The following ZDHHC6 variants were observed in gnomAD, a reference collection of about 807,000 sequenced individuals.
The protein encoded by ZDHHC6 is palmitoyltransferase ZDHHC6.
A neutral mutation model predicts 57.8 loss-of-function variants in ZDHHC6; 32 were observed. The observed-to-expected ratio is 0.55, with a 90% CI of 0.42 to 0.74. ZDHHC6 has a LOEUF of 0.74. Among genes scored for constraint, ZDHHC6 ranks in the 30% least tolerant of loss-of-function variants. The pLI is 0.00. For synonymous variants in ZDHHC6, 128 were observed against 158.0 expected (o/e 0.81, Z 1.42); for missense variants, 433 against 500.7 (o/e 0.86, Z 1.29).
intron 3 of ZDHHC6, among the ~76,000 whole-genome samples, chr10:112,442,984 A>G (rs1227274637): frequency 6.6e-6 from 1 of 152,242 alleles, no homozygotes. Context: ...CAGTGATTAT[A>G]GCTGTTCATT....
intron 6 of ZDHHC6, among the ~76,000 whole-genome samples, chr10:112,434,953 G>A (rs1845383189): frequency 6.6e-6 from 1 of 152,256 alleles, no homozygotes; most frequent in Middle Eastern, 3.2e-3. Context: ...CTGGGTGGCA[G>A]TGATGCCCAT....
At chr10:112,433,760 T>C (rs756651867) in intron 7 of ZDHHC6, among the ~76,000 whole-genome samples, 6 of 152,192 alleles carry the variant, frequency 3.9e-5, no homozygotes, top group Non-Finnish European at 7.3e-5. Context: ...GAAATAAAGA[T>C]AACTCATGAT....
At chr10:112,426,638 T>A, downstream of ZDHHC6, 1 of 690,716 alleles carries the variant, frequency 1.4e-6, no homozygotes, top group South Asian at 1.9e-5. Context: ...CAGTTTTTCT[T>A]TCAATATTGG....
chr10:112,430,933 G>A, intron 10 of ZDHHC6, 26 bp from the exon 11 acceptor site: 1 of 1,577,174 alleles, frequency 6.3e-7, no homozygotes, highest in Non-Finnish European at 8.7e-7. Flanking sequence ...AAATTGAGGT[G>A]AAATAGTCTG....
intron 6 of ZDHHC6, among the ~76,000 whole-genome samples, chr10:112,435,243 T>C (rs894336181): frequency 1.1e-4 from 17 of 152,244 alleles, no homozygotes; most frequent in Admixed American, 2.0e-4. Flanking sequence ...AGATACATTA[T>C]TTATTTTAAC....
At position 112,440,553 on chromosome 10, in the gene ZDHHC6, C is replaced by G; in HGVS notation, c.662G>C (p.Gly221Ala). 1 of 1,613,252 alleles carries G rather than the reference C, an allele frequency of 6.2e-7. No individual in the cohort carries two copies. The highest frequency in any genetic ancestry group is 2.2e-5 in the East Asian group (1 of 44,854). The change falls in exon 5 of 11, where the codon GGG (glycine) becomes GCG (alanine). Residue 221 changes from glycine (G) to alanine (A), a missense_variant. Coordinates refer to ENST00000369405, the MANE Select transcript of ZDHHC6 (RefSeq NM_022494.3). ...GCTTACCTGGATAAAAAACAACATC[C>G]CAACAGCTATGGTTGTTCCTAAAGC... is the stretch of plus-strand genomic sequence containing the variant. ...GLALGTTIAVGMLFFIQMKII... is the reference protein window; with the variant it reads ...GLALGTTIAVAMLFFIQMKII...
intron 5 of ZDHHC6, 125 bp from the exon 6 acceptor site, chr10:112,438,514 G>A (rs964887078): frequency 1.2e-5 from 9 of 769,730 alleles, no homozygotes; most frequent in Non-Finnish European, 1.7e-5. Context: ...AAGGATAACA[G>A]AGGTTAAGTA....
downstream of ZDHHC6, chr10:112,425,650 A>G: frequency 3.4e-6 from 2 of 584,304 alleles, no homozygotes; most frequent in East Asian, 3.3e-5. Context: ...GGCAATTTCA[A>G]TTTAAAAAAT....
At position 112,440,530 on chromosome 10, in the gene ZDHHC6, T is replaced by C. The variant is rs1846004042; in HGVS notation, c.681+4A>G. 6.2e-7 allele frequency: 1 copy of C among 1,612,272 alleles called. No individual in the cohort carries two copies. The highest frequency in any genetic ancestry group is 2.2e-5 in the East Asian group (1 of 44,838). Reference sequence around the variant, plus strand: ...TTTTGACTTGAGGTAATTGAGATGCTTACCTGGATAAAAAACAACATCCCA... The same window carrying C: ...TTTTGACTTGAGGTAATTGAGATGCCTACCTGGATAAAAAACAACATCCCA... On this transcript the variant is annotated splice_donor_region_variant and intron_variant, in intron 5 of 10. Coordinates refer to ENST00000369405, the MANE Select transcript of ZDHHC6 (RefSeq NM_022494.3).
At chr10:112,441,665 G>A (rs994120057) in intron 4 of ZDHHC6, among the ~76,000 whole-genome samples, 4 of 152,174 alleles carry the variant, frequency 2.6e-5, no homozygotes, top group South Asian at 2.1e-4. Flanking sequence ...TGTGTCTCTC[G>A]TTTACTTTCA....
chr10:112,442,240 A>T lies in ZDHHC6; in HGVS notation c.471T>A (p.His157Gln). Residue 157 changes from histidine to glutamine, a missense_variant, in exon 4 of 11, where the codon CAT (histidine) becomes CAA (glutamine). His to Gln is a conservative substitution (Grantham distance 24, BLOSUM62 0). Transcript: ENST00000369405. The stretch of plus-strand genomic sequence containing the variant: ...TAGTCATCACAAAAATGAAAGCAGC[A>T]TGGATACAACCCAGTGGTGCTAAAA... Reference protein sequence around the residue: ...FLLLAPLGCIHAAFIFVMTMY... With the variant: ...FLLLAPLGCIQAAFIFVMTMY... The T allele has an allele frequency of 6.2e-7, 1 of 1,613,962 alleles. No homozygotes were observed. The highest frequency in any genetic ancestry group is 8.5e-7 in the Non-Finnish European group (1 of 1,179,944).
chr10:112,443,554 T>A lies in ZDHHC6; in HGVS notation c.320A>T (p.Tyr107Phe). The A allele has an allele frequency of 6.2e-7, 1 of 1,613,970 alleles. No homozygotes were observed. Among genetic ancestry groups the A allele is most frequent in the Admixed American group, 1.7e-5 (1 of 59,986 alleles). Reference sequence around the variant, plus strand: ...GCAGTGATGTGAACGTGGTGCCTTGTATGCTTGGCAGACTTTACAATACTG... The same window carrying A: ...GCAGTGATGTGAACGTGGTGCCTTGAATGCTTGGCAGACTTTACAATACTG... ...YLQYCKVCQA[Y>F]KAPRSHHCRK... The change falls in exon 3 of 11, where the codon TAC (tyrosine) becomes TTC (phenylalanine). Residue 107 changes from tyrosine to phenylalanine, a missense_variant. By Grantham distance (22) the Tyr-to-Phe change is conservative. Transcript: ENST00000369405.
At chr10:112,428,279 C>A (rs937625532), downstream of ZDHHC6, 5 of 390,448 alleles carry the variant, frequency 1.3e-5, no homozygotes, top group Non-Finnish European at 2.3e-5. Flanking sequence ...TGATCTCCCC[C>A]ACCCTTGGAT....
At chr10:112,428,547 G>A (rs990138483), downstream of ZDHHC6, 23 of 392,256 alleles carry the variant, frequency 5.9e-5, no homozygotes, top group East Asian at 7.2e-4. Flanking sequence ...CGAGGCGGAC[G>A]GATCATGAGG....
At chr10:112,426,790 T>C, downstream of ZDHHC6, 1 of 1,613,896 alleles carries the variant, frequency 6.2e-7, no homozygotes, top group Non-Finnish European at 8.5e-7. Flanking sequence ...ATTCTTAGGT[T>C]GTAAGGGAAG....
At chr10:112,440,786 A>C in intron 4 of ZDHHC6, 91 bp from the exon 5 acceptor site, 1 of 1,319,270 alleles carries the variant, frequency 7.6e-7, no homozygotes, top group Non-Finnish European at 1.0e-6. Flanking sequence ...TTGATCAAAG[A>C]GATAACAACG....
chr10:112,429,340 T>A (rs564384076), downstream of ZDHHC6, among the ~76,000 whole-genome samples: 3 of 152,222 alleles, frequency 2.0e-5, no homozygotes, highest in Non-Finnish European at 4.4e-5. Flanking sequence ...CCAGCCTGTT[T>A]TTGTTCTTGC....
At position 112,430,761 on chromosome 10, in the gene ZDHHC6, A is replaced by G; in HGVS notation, c.*43T>C. 6.5e-7 allele frequency: 1 copy of G among 1,546,526 alleles called. No homozygotes were observed. Among genetic ancestry groups the G allele is most frequent in the Admixed American group, 1.8e-5 (1 of 57,028 alleles). On this transcript the variant is annotated 3_prime_UTR_variant, in exon 11 of 11. Coordinates refer to ENST00000369405, the MANE Select transcript of ZDHHC6 (RefSeq NM_022494.3). ...TCTTTAGTAATATGTACAATTTTCA[A>G]GTAATTAAGCAGACTTAAAGGATAA...
chr10:112,447,299 C>T (rs962202448), upstream of ZDHHC6: 3 of 1,509,026 alleles, frequency 2.0e-6, no homozygotes, highest in East Asian at 7.3e-5. Flanking sequence ...TCCTAAGCCG[C>T]GGGGCCCCTC....
Sources: gnomAD v4.1 joint callset for allele counts (sites outside exome capture counted in the v4.1 genomes callset) on GRCh38, gnomAD v4.1.1 for gene constraint, MANE v1.5 for transcripts, NCBI Gene and HGNC (gene_info 2026-07-23, HGNC 2026-07-21) for gene names.